TSC1: variants seen among roughly 807,000 people sequenced by gnomAD.
The protein encoded by TSC1 is TSC complex subunit 1, also known as hamartin.
A neutral mutation model predicts 124.3 loss-of-function variants in TSC1; 20 were observed. The ratio of observed to expected loss-of-function variants is 0.16; its 90% CI spans 0.11 to 0.23. The LOEUF is 0.23. Ranked by LOEUF, TSC1 falls within the 10% of genes least tolerant of loss-of-function variation. TSC1 has a pLI of 1.00. For missense variants in TSC1, 1,124 were observed against 1,448.5 expected (o/e 0.78, Z 3.64); for synonymous variants, 493 against 539.1 (o/e 0.91, Z 1.19).
chr9:132,910,116 T>G, intron 12 of TSC1: 2 of 220,452 alleles, frequency 9.1e-6, no homozygotes, highest in South Asian at 8.6e-5. Flanking sequence ...CTGGGCAACA[T>G]AGTGAGACCT....
chr9:132,914,061 G>A (rs1473902029), intron 8 of TSC1, among the ~76,000 whole-genome samples: 3 of 151,544 alleles, frequency 2.0e-5, no homozygotes, highest in Non-Finnish European at 2.9e-5. Context: ...ACCATCCCCA[G>A]CCAATTTTTT....
At position 132,900,726 on chromosome 9, in the gene TSC1, C is replaced by G. The variant is rs746607455; in HGVS notation, c.2614G>C (p.Asp872His). Reference protein sequence around the residue: ...YLEQLQNKHSDTTKEVEMMKA... With the variant: ...YLEQLQNKHSHTTKEVEMMKA... ...GAGCCCTGGCATACCTTTGTGGTAT[C>G]TGAGTGCTTGTTCTGCAGTTGTTCC... Residue 872 changes from aspartate (D) to histidine (H), a missense_variant, in exon 20 of 23, where the codon GAT (aspartate) becomes CAT (histidine). By Grantham distance (81) the Asp-to-His change is moderately conservative. Transcript: ENST00000298552. The G allele has an allele frequency of 7.4e-6, 12 of 1,614,068 alleles. No homozygotes were observed. Among genetic ancestry groups the G allele is most frequent in the South Asian group, 1.1e-5 (1 of 91,082 alleles).
At position 132,935,394 on chromosome 9, in the gene TSC1, C is replaced by T. The variant is rs569411499; in HGVS notation, c.-143-299G>A. Among the ~76,000 whole-genome samples the T allele has an allele frequency of 2.5e-4, 38 of 152,296 alleles. 2 individuals carry two copies. The highest frequency in any genetic ancestry group is 9.6e-4 in the East Asian group (5 of 5,186). ...GATAGGCCCTAGAATTAGAGAGTTC[C>T]GGGTTAAAATCCAAGCTCTGCAACT... On this transcript the variant is annotated intron_variant, in intron 1 of 22. Coordinates refer to ENST00000298552, the MANE Select transcript of TSC1 (RefSeq NM_000368.5).
At position 132,896,748 on chromosome 9, in the gene TSC1, G is replaced by A. The variant is rs199919348; in HGVS notation, c.2982C>T (p.Asp994=). ...AATCTGAGCACCCGTCATTACAACA[G>A]TCAAGCCTGTAAGAAAGCCGGGGAG... ...EAAEAAEERL[D]CCNDGCSDSM... Residue 994 remains aspartate (D), a synonymous_variant, in exon 23 of 23, where the codon GAC becomes GAT. Coordinates refer to ENST00000298552, the MANE Select transcript of TSC1 (RefSeq NM_000368.5). The surrounding 1 kb of genome is among the most constrained non-coding windows in gnomAD (Gnocchi z 4.5). 32 of 1,613,478 alleles carry A rather than the reference G, an allele frequency of 2.0e-5. No individual in the cohort carries two copies. The highest frequency in any genetic ancestry group is 2.4e-5 in the Non-Finnish European group (28 of 1,180,050).
In TSC1 at chr9:132,892,945, G is replaced by A. The variant is rs951337470; in HGVS notation, c.*3290C>T. On this transcript the variant is annotated 3_prime_UTR_variant, in exon 23 of 23. Transcript: ENST00000298552. ...AGAAACTATGTGTGCTGTTGCAAAT[G>A]GGGACGGCCCAAGAGTCTGGAGTTT... 3 of 233,192 alleles carry A rather than the reference G, an allele frequency of 1.3e-5. No homozygotes were observed. The highest frequency in any genetic ancestry group is 4.4e-5 in the African/African-American group (2 of 45,342). 14.4% of individuals were successfully genotyped at this position (233,192 alleles called of 1,614,324 possible). A position where few individuals can be genotyped will look rare whatever the true frequency, so the allele number is the denominator to read the frequency against.
chr9:132,897,612 T>TAAAA lies in TSC1; in HGVS notation c.2626-3_2626-2insTTTT. 22 of 913,426 alleles carry TAAAA rather than the reference T, an allele frequency of 2.4e-5. No homozygotes were observed. The highest frequency in any genetic ancestry group is 9.4e-5 in the South Asian group (4 of 42,480). 56.6% of individuals were successfully genotyped at this position (913,426 alleles called of 1,614,324 possible). A position where few individuals can be genotyped will look rare whatever the true frequency, so the allele number is the denominator to read the frequency against. ...GGCGGCTTTCATCATTTCTACTTCC[T>TAAAA]GAAAAAAAAAAAAAAAAAAGACTGG... On this transcript the variant is annotated splice_region_variant and splice_polypyrimidine_tract_variant and intron_variant, in intron 20 of 22. Coordinates refer to ENST00000298552, the MANE Select transcript of TSC1 (RefSeq NM_000368.5).
rs876658838 is a variant in TSC1 at position 132,927,203 on chromosome 9, T to C, written c.208A>G (p.Lys70Glu). 1.2e-6 allele frequency: 2 copies of C among 1,613,792 alleles called. No individual in the cohort carries two copies. The highest frequency in any genetic ancestry group is 8.5e-7 in the Non-Finnish European group (1 of 1,179,828). ...GCCTATGATATTTCAGCCATTACCTTGTCATGTGGCTCTTGCAAGGTGGTC... is the reference window on the plus strand; with the variant it reads ...GCCTATGATATTTCAGCCATTACCTCGTCATGTGGCTCTTGCAAGGTGGTC... ...ILTTLQEPHD[K>E]HLLDRINEYV... Residue 70 changes from lysine to glutamate, a missense_variant and splice_region_variant, in exon 4 of 23, where the codon AAG becomes GAG. By Grantham distance (56) the Lys-to-Glu change is moderately conservative (BLOSUM62 1). Around this residue, in one of 5 missense-constraint regions of TSC1, gnomAD observed 463 missense variants for 606.8 expected, o/e 0.76. Coordinates refer to ENST00000298552, the MANE Select transcript of TSC1 (RefSeq NM_000368.5).
chr9:132,912,735 T>C, intron 8 of TSC1: 1 of 444,788 alleles, frequency 2.2e-6, no homozygotes, highest in Non-Finnish European at 4.2e-6. Flanking sequence ...AATGGAAAAA[T>C]GAAACATAAG....
Position 132,925,658 on chromosome 9 carries a change from T to C in TSC1, c.292A>G (p.Arg98Gly), listed in dbSNP as rs2132233857. The change falls in exon 5 of 23, where the codon AGA (arginine) becomes GGA (glycine). Residue 98 changes from arginine to glycine, a missense_variant. Around this residue, in one of 5 missense-constraint regions of TSC1, gnomAD observed 463 missense variants for 606.8 expected, o/e 0.76. Transcript: ENST00000298552. ...SILSLLGHVI[R>G]LQPSWKHKLS... ...TTATGCTTCCAAGATGGCTGCAGTCTTATGACATGACCCAGTAACGAGAGG... is the reference window on the plus strand; with the variant it reads ...TTATGCTTCCAAGATGGCTGCAGTCCTATGACATGACCCAGTAACGAGAGG... 6.2e-7 allele frequency: 1 copy of C among 1,614,224 alleles called. No individual in the cohort carries two copies. The highest frequency in any genetic ancestry group is 8.5e-7 in the Non-Finnish European group (1 of 1,180,046).
At chr9:132,934,036 C>T (rs1160122240) in intron 2 of TSC1, among the ~76,000 whole-genome samples, 1 of 152,188 alleles carries the variant, frequency 6.6e-6, no homozygotes, top group Non-Finnish European at 1.5e-5. Flanking sequence ...TATCAAGACC[C>T]TACTTATGAA....
chr9:132,925,540 A>G lies in TSC1; in HGVS notation c.363+47T>C, dbSNP rs118203375. Reference sequence around the variant, plus strand: ...CTTTAAGTTGCCTAAAATTTCAGAAACTATACTCATAAAACCATTTCATTC... The same window carrying G: ...CTTTAAGTTGCCTAAAATTTCAGAAGCTATACTCATAAAACCATTTCATTC... On this transcript the variant is annotated intron_variant, in intron 5 of 22. Coordinates refer to ENST00000298552, the MANE Select transcript of TSC1 (RefSeq NM_000368.5). 6.2e-7 allele frequency: 1 copy of G among 1,612,318 alleles called. No individual in the cohort carries two copies. Among genetic ancestry groups the G allele is most frequent in the Non-Finnish European group, 8.5e-7 (1 of 1,178,686 alleles).
intron 4 of TSC1, chr9:132,926,006 C>T: frequency 2.1e-6 from 1 of 483,770 alleles, no homozygotes; most frequent in Admixed American, 3.4e-5. Flanking sequence ...GACTTGTTCA[C>T]AGCCCCTCAA....
At position 132,923,689 on chromosome 9, in the gene TSC1, C is replaced by T. The variant is rs966777679; in HGVS notation, c.364-197G>A. ...CTCAACAGAACACTGAGCCCCAACT[C>T]TACTGTAATGAGTCAGTGAGGACCA... On this transcript the variant is annotated intron_variant, in intron 5 of 22. Coordinates refer to ENST00000298552, the MANE Select transcript of TSC1 (RefSeq NM_000368.5). The surrounding 1 kb of genome is among the most constrained non-coding windows in gnomAD (Gnocchi z 4.2). 5.5e-6 allele frequency: 4 copies of T among 724,848 alleles called. No individual in the cohort carries two copies. Among genetic ancestry groups the T allele is most frequent in the Non-Finnish European group, 9.2e-6 (4 of 437,046 alleles). The allele number at this position is 724,848 out of a possible 1,614,324, so 44.9% of individuals were successfully genotyped here. A position where few individuals can be genotyped will look rare whatever the true frequency, so the allele number is the denominator to read the frequency against.
rs1588371345 is a variant in TSC1 at position 132,932,904 on chromosome 9, T to C, written c.-81+2129A>G. Among the ~76,000 whole-genome samples the C allele has an allele frequency of 4.6e-5, 7 of 152,330 alleles. No individual in the cohort carries two copies. The South Asian group carries it at 1.4e-3, about 32-fold the overall frequency. ...TCAATAAAAGATACTTTGTAATTCA[T>C]GAGAAACCTTGAACTAAGTTTAAAC... On this transcript the variant is annotated intron_variant, in intron 2 of 22. Transcript: ENST00000298552.
rs534056558 is a variant in TSC1 at position 132,923,854 on chromosome 9, G to C, written c.364-362C>G. On this transcript the variant is annotated intron_variant, in intron 5 of 22. Transcript: ENST00000298552. This position sits in a 1 kb window ranked among gnomAD's most constrained non-coding sequence, Gnocchi z 4.2. ...GGAGCTGCTTTTCAACAAAACACAG[G>C]AGCACTGCTCTGTTTCATTCATTCA... Among the ~76,000 whole-genome samples, 1 of 151,826 alleles carries C rather than the reference G, an allele frequency of 6.6e-6. No individual in the cohort carries two copies. The highest frequency in any genetic ancestry group is 6.6e-5 in the Admixed American group (1 of 15,252).
chr9:132,901,785 T>G, intron 18 of TSC1, 86 bp from the exon 19 acceptor site: 1 of 1,199,526 alleles, frequency 8.3e-7, no homozygotes, highest in East Asian at 2.3e-5. Flanking sequence ...CACAGAGGAC[T>G]GGGAATGCCT....
In TSC1 at chr9:132,944,564, C is replaced by T; in HGVS notation, c.-165G>A. On this transcript the variant is annotated 5_prime_UTR_variant, in exon 1 of 23. Coordinates refer to ENST00000298552, the MANE Select transcript of TSC1 (RefSeq NM_000368.5). Reference sequence around the variant, plus strand: ...TCACCCACCGTCTCCTCCCCCTCAGCTGTTTACCTCACAGTCCCTCCAGCC... The same window carrying T: ...TCACCCACCGTCTCCTCCCCCTCAGTTGTTTACCTCACAGTCCCTCCAGCC... The T allele has an allele frequency of 5.0e-6, 2 of 398,866 alleles. No individual in the cohort carries two copies. The highest frequency in any genetic ancestry group is 8.8e-6 in the Non-Finnish European group (2 of 226,272). 24.7% of individuals were successfully genotyped at this position (398,866 alleles called of 1,614,324 possible). A position where few individuals can be genotyped will look rare whatever the true frequency, so the allele number is the denominator to read the frequency against.
Position 132,897,610 on chromosome 9 carries a change from CCTG to C in TSC1, c.2626-3_2626-1del. 1 of 1,266,790 alleles carries C rather than the reference CCTG, an allele frequency of 7.9e-7. No individual in the cohort carries two copies. The highest frequency in any genetic ancestry group is 1.1e-6 in the Non-Finnish European group (1 of 950,912). 78.5% of individuals were successfully genotyped at this position (1,266,790 alleles called of 1,614,324 possible). On this transcript the variant is annotated splice_acceptor_variant and splice_polypyrimidine_tract_variant and intron_variant, in intron 20 of 22. Coordinates refer to ENST00000298552, the MANE Select transcript of TSC1 (RefSeq NM_000368.5). LOFTEE classifies it high-confidence loss of function. ...TAGGCGGCTTTCATCATTTCTACTT[CCTG>C]AAAAAAAAAAAAAAAAAAGACTGGA...
At chr9:132,939,604 T>C (rs774794196) in intron 1 of TSC1, among the ~76,000 whole-genome samples, 3 of 152,246 alleles carry the variant, frequency 2.0e-5, no homozygotes, top group African/African-American at 7.2e-5. Context: ...ACGTTTTGAC[T>C]TTCTATTAAC....
Sources: allele counts gnomAD v4.1 joint callset (sites outside exome capture counted in the v4.1 genomes callset), GRCh38; gene constraint gnomAD v4.1.1; regional missense constraint gnomAD v4.1.1; non-coding constraint Gnocchi (gnomAD v3.1); transcripts MANE v1.5; gene names NCBI Gene and HGNC (gene_info 2026-07-23, HGNC 2026-07-21).